MAGI2: variants seen among roughly 807,000 people sequenced by gnomAD.
MAGI2 encodes membrane associated guanylate kinase, WW and PDZ domain containing 2.
A neutral mutation model predicts 133.3 loss-of-function variants in MAGI2; 35 were observed. The ratio of observed to expected loss-of-function variants is 0.26; its 90% CI spans 0.20 to 0.35. The LOEUF is 0.35. Ranked by LOEUF, MAGI2 falls within the 10% of genes least tolerant of loss-of-function variation. The probability of loss-of-function intolerance (pLI) is 1.00; values close to 1 mark genes in which losing one functional copy is unlikely to be tolerated. For synonymous variants in MAGI2, 729 were observed against 710.6 expected (o/e 1.03, Z -0.41); for missense variants, 1,636 against 1,863.4 (o/e 0.88, Z 2.25).
intron 6 of MAGI2, among the ~76,000 whole-genome samples, chr7:78,431,963 CTG>C (rs1799838302): frequency 6.6e-6 from 1 of 151,994 alleles, no homozygotes; most frequent in Non-Finnish European, 1.5e-5. Context: ...TTCCCACAGA[CTG>C]TAGCCAATTT....
intron 6 of MAGI2, among the ~76,000 whole-genome samples, chr7:78,457,403 C>T (rs1484264025): frequency 1.3e-5 from 2 of 152,144 alleles, no homozygotes; most frequent in Non-Finnish European, 2.9e-5. Flanking sequence ...GGTTGGAAAC[C>T]AGAATCTACC....
At chr7:78,962,115 A>T (rs1402363990) in intron 2 of MAGI2, among the ~76,000 whole-genome samples, 1 of 152,088 alleles carries the variant, frequency 6.6e-6, no homozygotes, top group Non-Finnish European at 1.5e-5. Flanking sequence ...GTGGTACAAG[A>T]CTGTACATTC....
intron 1 of MAGI2, chr7:79,125,515 G>A (rs1259365764): frequency 5.8e-6 from 3 of 513,792 alleles, no homozygotes; most frequent in African/African-American, 5.8e-5. Flanking sequence ...TGGTGGACAG[G>A]GTTATAGAAA....
At chr7:79,121,532 T>C (rs2129544658) in intron 1 of MAGI2, among the ~76,000 whole-genome samples, 1 of 152,268 alleles carries the variant, frequency 6.6e-6, no homozygotes, top group Admixed American at 6.5e-5. Flanking sequence ...TTCTGCCTTA[T>C]GTATCATCCC....
Position 78,857,844 on chromosome 7 carries a change from G to A in MAGI2, c.418+149246C>T, listed in dbSNP as rs989619497. Among the ~76,000 whole-genome samples, 5 of 152,120 alleles carry A rather than the reference G, an allele frequency of 3.3e-5. No individual in the cohort carries two copies. In the East Asian group the frequency reaches 5.8e-4, roughly 18 times the overall value. ...GAAGGAATGGTACCAGATCCTCTTT[G>A]TACCTCTGGTAGAATTCAACTGTGA... On this transcript the variant is annotated intron_variant, in intron 2 of 21. Transcript: ENST00000354212.
chr7:79,177,734 G>C (rs1826226990), intron 1 of MAGI2, among the ~76,000 whole-genome samples: 1 of 152,048 alleles, frequency 6.6e-6, no homozygotes, highest in Non-Finnish European at 1.5e-5. Flanking sequence ...TAACCATTTA[G>C]TCTTCCCAAA....
chr7:78,185,134 T>C (rs555823762), intron 13 of MAGI2, among the ~76,000 whole-genome samples: 382 of 152,370 alleles, frequency 2.5e-3, no homozygotes, highest in African/African-American at 8.5e-3. Flanking sequence ...ATATATTTTG[T>C]TTAACTTAGT....
At chr7:79,168,913 T>TATATATATAG (rs1825236509) in intron 1 of MAGI2, among the ~76,000 whole-genome samples, 5 of 11,632 alleles carry the variant, frequency 4.3e-4, no homozygotes, top group African/African-American at 6.6e-4. Flanking sequence ...TATATATATA[T>TATATATATAG]ATATATATAT....
intron 6 of MAGI2, among the ~76,000 whole-genome samples, chr7:78,371,401 A>G (rs530082857): frequency 1.3e-5 from 2 of 152,060 alleles, no homozygotes; most frequent in Admixed American, 1.3e-4. Context: ...TCATCTTATG[A>G]ATGCAACAAT....
intron 2 of MAGI2, among the ~76,000 whole-genome samples, chr7:78,987,757 CA>C (rs1380170006): frequency 6.6e-6 from 1 of 151,846 alleles, no homozygotes; most frequent in South Asian, 2.1e-4. Context: ...ACCAGCATGT[CA>C]AGTTGATGTG....
At chr7:79,203,890 G>A (rs1331151799) in intron 1 of MAGI2, among the ~76,000 whole-genome samples, 1 of 152,046 alleles carries the variant, frequency 6.6e-6, no homozygotes, top group Non-Finnish European at 1.5e-5. Flanking sequence ...TCGTCCCCAT[G>A]CAGAAACATT....
intron 6 of MAGI2, among the ~76,000 whole-genome samples, chr7:78,403,642 C>A (rs190399510): frequency 0.039 from 5,937 of 152,144 alleles, 161 homozygotes; most frequent in Non-Finnish European, 0.059. Context: ...CCTATTTCTC[C>A]ACATCCTCTG....
At chr7:79,166,636 T>G (rs186967762) in intron 1 of MAGI2, among the ~76,000 whole-genome samples, 18 of 152,206 alleles carry the variant, frequency 1.2e-4, no homozygotes, top group Admixed American at 9.8e-4. Flanking sequence ...TTATCTAAAA[T>G]TCCACAATGT....
intron 1 of MAGI2, among the ~76,000 whole-genome samples, chr7:79,348,593 C>T (rs1193931167): frequency 6.6e-6 from 1 of 151,684 alleles, no homozygotes; most frequent in Non-Finnish European, 1.5e-5. Context: ...GTGTTGAATA[C>T]TAATTTTAAA....
chr7:78,912,029 AT>A (rs1798437595), intron 2 of MAGI2, among the ~76,000 whole-genome samples: 1 of 152,168 alleles, frequency 6.6e-6, no homozygotes, highest in African/African-American at 2.4e-5. Flanking sequence ...CAAAAATTAT[AT>A]TTTTAATTTA....
chr7:79,239,095 C>T (rs868860622), intron 1 of MAGI2, among the ~76,000 whole-genome samples: 4 of 152,084 alleles, frequency 2.6e-5, no homozygotes, highest in African/African-American at 7.2e-5. Flanking sequence ...CACTTGCACA[C>T]CATGTTTTTT....
intron 1 of MAGI2, among the ~76,000 whole-genome samples, chr7:79,078,438 T>A (rs762500526): frequency 6.6e-6 from 1 of 152,186 alleles, no homozygotes; most frequent in Admixed American, 6.5e-5. Flanking sequence ...GGCTCAGGAA[T>A]GAAAGGATTT....
chr7:79,142,174 T>C (rs1332893611), intron 1 of MAGI2, among the ~76,000 whole-genome samples: 1 of 152,188 alleles, frequency 6.6e-6, no homozygotes, highest in Non-Finnish European at 1.5e-5. Flanking sequence ...TAACTAGAAA[T>C]GAAATTTCAT....
At chr7:78,692,996 C>T (rs1317082067) in intron 2 of MAGI2, among the ~76,000 whole-genome samples, 5 of 152,124 alleles carry the variant, frequency 3.3e-5, no homozygotes, top group Non-Finnish European at 7.4e-5. Flanking sequence ...TTAGAGGCCG[C>T]ATCAGAGATC....
Sources: allele counts gnomAD v4.1 joint callset (sites outside exome capture counted in the v4.1 genomes callset), GRCh38; gene constraint gnomAD v4.1.1; transcripts MANE v1.5; gene names NCBI Gene and HGNC (gene_info 2026-07-23, HGNC 2026-07-21).